Variants in NEDD9 observed in about 807,000 individuals in gnomAD.
The protein encoded by NEDD9 is neural precursor cell expressed, developmentally down-regulated 9.
A neutral mutation model predicts 76.6 loss-of-function variants in NEDD9; 26 were observed. The observed-to-expected ratio is 0.34, with a 90% CI of 0.25 to 0.47. NEDD9 has a LOEUF of 0.47. NEDD9 is among the 20% of genes least tolerant of loss of function. The pLI is 1.00. For synonymous variants in NEDD9, 392 were observed against 414.2 expected, an observed-to-expected ratio of 0.95 and a Z score of 0.65; for missense variants, 937 against 1,058.5, an observed-to-expected ratio of 0.89 and a Z score of 1.59.
chr6:11,349,359 G>A (rs1040412800), intron 1 of NEDD9, among the ~76,000 whole-genome samples: 1 of 152,194 alleles, frequency 6.6e-6, no homozygotes, highest in Non-Finnish European at 1.5e-5. Flanking sequence ...AAAGCAGCGT[G>A]GTGATTTCTC....
chr6:11,359,831 T>C (rs930194795), intron 1 of NEDD9, among the ~76,000 whole-genome samples: 3 of 152,238 alleles, frequency 2.0e-5, no homozygotes, highest in African/African-American at 7.2e-5. Flanking sequence ...TGTGTTGGTG[T>C]ACCATTTTGT....
intron 2 of NEDD9, among the ~76,000 whole-genome samples, chr6:11,319,546 A>G (rs1278426643): frequency 6.7e-6 from 1 of 148,996 alleles, no homozygotes; most frequent in Admixed American, 6.7e-5. Flanking sequence ...ATGCGGACAC[A>G]CACTAACATG....
chr6:11,362,600 T>G (rs987618550), intron 1 of NEDD9, among the ~76,000 whole-genome samples: 2 of 152,232 alleles, frequency 1.3e-5, no homozygotes, highest in Non-Finnish European at 2.9e-5. Context: ...ATTCTTTCAC[T>G]ATAACTCTTG....
At chr6:11,236,880 A>T (rs1485277889), upstream of NEDD9, among the ~76,000 whole-genome samples, 3 of 152,070 alleles carry the variant, frequency 2.0e-5, no homozygotes, top group African/African-American at 7.2e-5. The surrounding 1 kb of genome is among the most constrained non-coding windows in gnomAD (Gnocchi z 5.5). Flanking sequence ...ATGGACCACC[A>T]TCTGAACCCA....
chr6:11,250,303 C>A lies in NEDD9; in HGVS notation c.13-36576G>T, dbSNP rs1423182265. ...CCCATGACAAGCACAGTAGCCAAAA[C>A]CTAAATCTAATTTGACATACCATGA... On this transcript the variant is annotated intron_variant, in intron 3 of 3. Transcript: ENST00000397378. Among the ~76,000 whole-genome samples the A allele has an allele frequency of 1.3e-5, 2 of 152,164 alleles. 1 individual carries two copies. The highest frequency in any genetic ancestry group is 4.1e-4 in the South Asian group (2 of 4,820).
chr6:11,272,791 T>C (rs1342404976), intron 3 of NEDD9, among the ~76,000 whole-genome samples: 1 of 152,250 alleles, frequency 6.6e-6, no homozygotes, highest in Non-Finnish European at 1.5e-5. Flanking sequence ...GCATCATTTC[T>C]TTGTTTTCGG....
At chr6:11,339,105 C>T (rs1032399710) in intron 1 of NEDD9, among the ~76,000 whole-genome samples, 4 of 152,034 alleles carry the variant, frequency 2.6e-5, no homozygotes, top group Admixed American at 2.0e-4. Flanking sequence ...CCCAATTTCC[C>T]TCCCCCAGAG....
At chr6:11,319,692 TCA>T (rs752026389) in intron 2 of NEDD9, among the ~76,000 whole-genome samples, 4 of 50,222 alleles carry the variant, frequency 8.0e-5, no homozygotes, top group Non-Finnish European at 1.3e-4. Context: ...ACATGGACAC[TCA>T]CACAAACATG....
At chr6:11,217,556 C>G (rs1758992118) in intron 1 of NEDD9, among the ~76,000 whole-genome samples, 1 of 152,158 alleles carries the variant, frequency 6.6e-6, no homozygotes, top group Non-Finnish European at 1.5e-5. Context: ...GGCAAAACAC[C>G]AAAACAGTTA....
chr6:11,282,342 T>A (rs1760553651), intron 3 of NEDD9, among the ~76,000 whole-genome samples: 1 of 152,242 alleles, frequency 6.6e-6, no homozygotes, highest in South Asian at 2.1e-4. Context: ...CTGTCTTTTC[T>A]TGGATGCTCC....
chr6:11,305,080 C>T, intron 3 of NEDD9: 1 of 1,286,964 alleles, frequency 7.8e-7, no homozygotes, highest in Non-Finnish European at 1.0e-6. Flanking sequence ...GAACGTTTGC[C>T]CAGAAAGGAG....
chr6:11,293,184 ATCTAAG>A (rs1474503798), intron 3 of NEDD9, among the ~76,000 whole-genome samples: 1 of 147,858 alleles, frequency 6.8e-6, no homozygotes, highest in African/African-American at 2.5e-5. Flanking sequence ...TTGCTAGACA[ATCTAAG>A]TCTATGTTTT....
chr6:11,363,803 C>T (rs1292112274), intron 1 of NEDD9, among the ~76,000 whole-genome samples: 1 of 80,622 alleles, frequency 1.2e-5, no homozygotes, highest in Non-Finnish European at 2.4e-5. Context: ...TCATTCTAAA[C>T]CTGAGTATTT....
chr6:11,306,804 G>C (rs1761197281), intron 2 of NEDD9, among the ~76,000 whole-genome samples: 1 of 152,286 alleles, frequency 6.6e-6, no homozygotes, highest in South Asian at 2.1e-4. Flanking sequence ...TGGAAATGTG[G>C]CTTTTAAATA....
rs1757910032 is a variant in NEDD9, at chr6:11,183,757, G to C, written c.*1405C>G. On this transcript the variant is annotated 3_prime_UTR_variant, in exon 7 of 7. Coordinates refer to ENST00000379446, the MANE Select transcript of NEDD9 (RefSeq NM_006403.4). ...AGCTTAATTCAGTCAGGCATATATT[G>C]CAAATAAAAACATGTTTCCAAGTAG... 1 of 152,068 alleles carries C rather than the reference G, an allele frequency of 6.6e-6. No homozygotes were observed. The highest frequency in any genetic ancestry group is 1.5e-5 in the Non-Finnish European group (1 of 68,020). The allele number at this position is 152,068 out of a possible 1,614,324, so 9.4% of individuals were successfully genotyped here.
chr6:11,190,282 G>A lies in NEDD9; in HGVS notation c.1587C>T (p.Asp529=), dbSNP rs35950261. The A allele has an allele frequency of 2.0e-3, 3,271 of 1,614,232 alleles. 6 individuals carry two copies. The highest frequency in any genetic ancestry group is 2.6e-3 in the Middle Eastern group (16 of 6,062). Residue 529 remains aspartate (D), a synonymous_variant, in exon 5 of 7, where the codon GAC becomes GAT. Transcript: ENST00000379446. This position sits in a 1 kb window ranked among gnomAD's most constrained non-coding sequence, Gnocchi z 5.8. ...CCGTCTTTGCCACCATCACAAACCG[G>A]TCCAGATCGTCACACTTGTTCTGGG... ...NKPQNKCDDL[D]RFVMVAKTVP...
In NEDD9 at chr6:11,184,437, G is replaced by A. The variant is rs1757926325; in HGVS notation, c.*725C>T. 6.6e-6 allele frequency: 1 copy of A among 152,134 alleles called. No individual in the cohort carries two copies. Among genetic ancestry groups the A allele is most frequent in the African/African-American group, 2.4e-5 (1 of 41,402 alleles). 9.4% of individuals were successfully genotyped at this position (152,134 alleles called of 1,614,324 possible). A position where few individuals can be genotyped will look rare whatever the true frequency, so the allele number is the denominator to read the frequency against. ...GGGAGGCAATTGCTCTCCTTTTATT[G>A]TAGCTGTCTCTCAGTATTGAAACAA... On this transcript the variant is annotated 3_prime_UTR_variant, in exon 7 of 7. Coordinates refer to ENST00000379446, the MANE Select transcript of NEDD9 (RefSeq NM_006403.4).
chr6:11,331,178 A>G (rs916010896), intron 2 of NEDD9, among the ~76,000 whole-genome samples: 2 of 152,232 alleles, frequency 1.3e-5, no homozygotes, highest in Non-Finnish European at 2.9e-5. Context: ...CATGGGGAAC[A>G]GTGGAGACTG....
In NEDD9 at chr6:11,268,579, T is replaced by C. The variant is rs534725828; in HGVS notation, c.12+37413A>G. 4.6e-3 allele frequency among the ~76,000 whole-genome samples: 706 copies of C among 152,060 alleles called. 3 individuals carry two copies. The highest frequency in any genetic ancestry group is 0.014 in the Middle Eastern group (4 of 294). ...CCTGTCTCTACTAAAAATACAAAAA[T>C]TAGCCTGGCGTGATGGCAGGCACCT... On this transcript the variant is annotated intron_variant, in intron 3 of 3. Coordinates refer to the NEDD9 transcript ENST00000397378.
Sources: allele counts gnomAD v4.1 joint callset (sites outside exome capture counted in the v4.1 genomes callset), GRCh38; gene constraint gnomAD v4.1.1; non-coding constraint Gnocchi (gnomAD v3.1); transcripts MANE v1.5; gene names NCBI Gene and HGNC (gene_info 2026-07-23, HGNC 2026-07-21).